The following CUEDC1 variants were observed in gnomAD, a reference collection of about 807,000 sequenced individuals.
CUEDC1 encodes CUE domain-containing protein 1.
CUEDC1 carries 30 observed loss-of-function variants against 43.7 expected under a neutral mutation model. That is an observed-to-expected ratio of 0.69 (90% confidence interval 0.51 to 0.93). CUEDC1 has a LOEUF of 0.93. Among genes scored for constraint, CUEDC1 ranks in the 40% least tolerant of loss-of-function variants. CUEDC1 has a pLI of 0.00. For missense variants in CUEDC1, 486 were observed against 549.0 expected, an observed-to-expected ratio of 0.89 and a Z score of 1.15; for synonymous variants, 223 against 223.6, an observed-to-expected ratio of 1.00 and a Z score of 0.02.
chr17:57,873,285 A>G lies in CUEDC1; in HGVS notation c.591+306T>C, dbSNP rs1240954345. 5.9e-5 allele frequency among the ~76,000 whole-genome samples: 9 copies of G among 152,112 alleles called. No homozygotes were observed. In the East Asian group the frequency reaches 1.7e-3, roughly 30 times the overall value. ...GCCTCTGGCCCTTTCCCAAGGGAGGAAGGGGGGTGCTCTGGCCCTCCACCA... is the reference window on the plus strand; with the variant it reads ...GCCTCTGGCCCTTTCCCAAGGGAGGGAGGGGGGTGCTCTGGCCCTCCACCA... On this transcript the variant is annotated intron_variant, in intron 4 of 10. Transcript: ENST00000577830.
intron 1 of CUEDC1, among the ~76,000 whole-genome samples, chr17:57,896,751 T>G (rs551283284): frequency 6.7e-4 from 101 of 151,440 alleles, no homozygotes; most frequent in African/African-American, 2.4e-3. Flanking sequence ...GTGATTTTTA[T>G]ATCTTTTTCT....
chr17:57,936,093 G>A (rs574938791), intron 1 of CUEDC1, among the ~76,000 whole-genome samples: 1 of 152,208 alleles, frequency 6.6e-6, no homozygotes, highest in Non-Finnish European at 1.5e-5. Context: ...GACCAGGAGT[G>A]GGGCAAAGAG....
At chr17:57,899,088 G>A (rs1239714292) in intron 1 of CUEDC1, among the ~76,000 whole-genome samples, 1 of 152,210 alleles carries the variant, frequency 6.6e-6, no homozygotes, top group African/African-American at 2.4e-5. Flanking sequence ...GGAGGGAGGG[G>A]TGGCTGGCCC....
At chr17:57,951,544 C>T (rs1386033677) in intron 1 of CUEDC1, among the ~76,000 whole-genome samples, 5 of 152,140 alleles carry the variant, frequency 3.3e-5, no homozygotes, top group Non-Finnish European at 5.9e-5. Context: ...CTGCAACCTC[C>T]GCCTCCCGAG....
chr17:57,917,701 CA>C (rs1328894863), intron 1 of CUEDC1, among the ~76,000 whole-genome samples: 1 of 152,176 alleles, frequency 6.6e-6, no homozygotes, highest in Non-Finnish European at 1.5e-5. Context: ...AGCTAGGATT[CA>C]AAAATAGGTC....
At position 57,885,456 on chromosome 17, in the gene CUEDC1, G is replaced by T. The variant is rs758136599; in HGVS notation, c.109C>A (p.Arg37=). The change falls in exon 2 of 11, where the codon CGG becomes AGG. Residue 37 remains arginine (R), a synonymous_variant. Coordinates refer to ENST00000577830, the MANE Select transcript of CUEDC1 (RefSeq NM_001271875.2). The part of the protein sequence containing the change: ...TAAPQELNNS[R]PARQVRRLEF... Reference sequence around the variant, plus strand: ...AGGCGGCGCACCTGGCGGGCAGGCCGGCTGTTGTTGAGCTCCTGGGGGGCG... The same window carrying T: ...AGGCGGCGCACCTGGCGGGCAGGCCTGCTGTTGTTGAGCTCCTGGGGGGCG... 1.3e-6 allele frequency: 2 copies of T among 1,594,770 alleles called. No individual in the cohort carries two copies. Among genetic ancestry groups the T allele is most frequent in the Non-Finnish European group, 1.7e-6 (2 of 1,173,422 alleles).
At chr17:57,879,500 T>A in intron 3 of CUEDC1, 111 bp downstream of exon 3, 1 of 1,322,792 alleles carries the variant, frequency 7.6e-7, no homozygotes, top group Non-Finnish European at 9.7e-7. Context: ...AGAAGCCTGT[T>A]CTTTGAAATA....
At position 57,954,581 on chromosome 17, in the gene CUEDC1, G is replaced by C. The variant is rs1051652036; in HGVS notation, c.-316+644C>G. Among the ~76,000 whole-genome samples, 1 of 152,080 alleles carries C rather than the reference G, an allele frequency of 6.6e-6. No individual in the cohort carries two copies. Among genetic ancestry groups the C allele is most frequent in the Non-Finnish European group, 1.5e-5 (1 of 67,980 alleles). On this transcript the variant is annotated intron_variant, in intron 1 of 10. Transcript: ENST00000577830. This position sits in a 1 kb window ranked among gnomAD's most constrained non-coding sequence, Gnocchi z 4.3. The stretch of plus-strand genomic sequence containing the variant: ...CCTGGGGCACAGGAGCCGGCGGGGC[G>C]GGCGAGCAGGGGCGGGGACAGCGCA...
intron 4 of CUEDC1, 117 bp downstream of exon 4, chr17:57,873,474 A>T: frequency 8.1e-7 from 1 of 1,237,560 alleles, no homozygotes; most frequent in Non-Finnish European, 1.1e-6. Flanking sequence ...GGGCAACAGA[A>T]ATAGCTCAGC....
intron 1 of CUEDC1, among the ~76,000 whole-genome samples, chr17:57,931,076 C>T (rs1488647188): frequency 6.6e-6 from 1 of 152,068 alleles, no homozygotes; most frequent in African/African-American, 2.4e-5. Context: ...ATTACTCGAG[C>T]TCAGGAGTTC....
At chr17:57,899,110 T>G (rs922373018) in intron 1 of CUEDC1, among the ~76,000 whole-genome samples, 1 of 152,036 alleles carries the variant, frequency 6.6e-6, no homozygotes, top group Admixed American at 6.5e-5. Flanking sequence ...GGGCTGAGCT[T>G]CAAAAGAGCA....
chr17:57,892,203 G>GATTTA (rs2074362630), intron 1 of CUEDC1, among the ~76,000 whole-genome samples: 1 of 152,028 alleles, frequency 6.6e-6, no homozygotes, highest in African/African-American at 2.4e-5. Context: ...AGATATATAA[G>GATTTA]GGAATGCGTT....
chr17:57,894,445 C>A (rs923153712), intron 1 of CUEDC1, among the ~76,000 whole-genome samples: 2 of 152,056 alleles, frequency 1.3e-5, no homozygotes, highest in African/African-American at 4.8e-5. Context: ...CCGAGGCGGG[C>A]AGATCATCTG....
At chr17:57,877,206 G>C (rs987774924) in intron 3 of CUEDC1, among the ~76,000 whole-genome samples, 4 of 152,178 alleles carry the variant, frequency 2.6e-5, no homozygotes, top group Admixed American at 6.5e-5. Flanking sequence ...CCTAAGCCTT[G>C]GTCTGGTGCT....
chr17:57,901,757 AAGTTTAATT>A (rs2145005664), intron 1 of CUEDC1, among the ~76,000 whole-genome samples: 1 of 152,380 alleles, frequency 6.6e-6, no homozygotes, highest in East Asian at 1.9e-4. Context: ...AATGGGTTGC[AAGTTTAATT>A]AGACTTAAGG....
At chr17:57,878,042 C>A (rs750730693) in intron 3 of CUEDC1, among the ~76,000 whole-genome samples, 4 of 152,118 alleles carry the variant, frequency 2.6e-5, no homozygotes, top group Non-Finnish European at 4.4e-5. Context: ...TGGTACCACT[C>A]GTGACAAAGA....
chr17:57,868,820 C>T (rs984412989), intron 7 of CUEDC1, among the ~76,000 whole-genome samples: 1 of 152,166 alleles, frequency 6.6e-6, no homozygotes, highest in East Asian at 1.9e-4. Flanking sequence ...CAGTCAGCTC[C>T]GGCCAAGCCT....
At chr17:57,873,760 C>T (rs2144931777) in intron 3 of CUEDC1, 43 bp from the exon 4 acceptor site, 1 of 1,504,184 alleles carries the variant, frequency 6.6e-7, no homozygotes, top group South Asian at 1.3e-5. Context: ...TCATTAAGCC[C>T]AACCCCAGGT....
chr17:57,952,549 G>T (rs529340605), intron 1 of CUEDC1, among the ~76,000 whole-genome samples: 1 of 152,204 alleles, frequency 6.6e-6, no homozygotes, highest in African/African-American at 2.4e-5. Context: ...TATAGCTCTT[G>T]CTTCCTGTAA....
Sources: allele counts gnomAD v4.1 joint callset (sites outside exome capture counted in the v4.1 genomes callset), GRCh38; gene constraint gnomAD v4.1.1; non-coding constraint Gnocchi (gnomAD v3.1); transcripts MANE v1.5; gene names NCBI Gene and HGNC (gene_info 2026-07-23, HGNC 2026-07-21).